Variants in ANK2 observed in about 807,000 individuals in gnomAD.
ANK2 encodes the protein ankyrin 2.
A neutral mutation model predicts 360.5 loss-of-function variants in ANK2; 83 were observed. The observed-to-expected ratio is 0.23, with a 90% confidence interval of 0.19 to 0.28. The LOEUF (loss-of-function observed/expected upper bound fraction) is 0.28. Ranked by LOEUF, ANK2 falls within the 10% of genes least tolerant of loss-of-function variation. The pLI is 1.00. For synonymous variants in ANK2, 1,740 were observed against 1,759.5 expected, an observed-to-expected ratio of 0.99 and a Z score of 0.28; for missense variants, 4,201 against 4,795.7, an observed-to-expected ratio of 0.88 and a Z score of 3.66.
chr4:113,121,453 G>A (rs1265684916), intron 1 of ANK2, among the ~76,000 whole-genome samples: 2 of 152,140 alleles, frequency 1.3e-5, no homozygotes, highest in African/African-American at 4.8e-5. Flanking sequence ...TACTGTGATA[G>A]TAAATTAAAT....
At chr4:113,189,134 T>A (rs2098604852) in intron 2 of ANK2, among the ~76,000 whole-genome samples, 1 of 152,182 alleles carries the variant, frequency 6.6e-6, no homozygotes. Flanking sequence ...CCAAATTTTA[T>A]GATTGCTCAG....
chr4:113,326,649 T>G (rs866550113), intron 26 of ANK2, among the ~76,000 whole-genome samples: 1 of 152,230 alleles, frequency 6.6e-6, no homozygotes, highest in African/African-American at 2.4e-5. Context: ...GTGGGTTTTT[T>G]TGGTTTGTGT....
At chr4:113,036,312 CA>C in intron 2 of ANK2, among the ~76,000 whole-genome samples, 1 of 147,908 alleles carries the variant, frequency 6.8e-6, no homozygotes, top group South Asian at 2.1e-4. Flanking sequence ...GGACTTGAAA[CA>C]AACAAAAAGA....
Position 113,278,363 on chromosome 4 carries a change from C to A in ANK2, c.1783-97C>A, listed in dbSNP as rs950204557. On this transcript the variant is annotated intron_variant, in intron 16 of 45. Coordinates refer to ENST00000357077, the MANE Select transcript of ANK2 (RefSeq NM_001148.6). ...TCTATTGACTATATTAATTCATTAA[C>A]ATGAATTTAATCAATATCAGTTTCC... 7.3e-6 allele frequency: 7 copies of A among 957,988 alleles called. No individual in the cohort carries two copies. The African/African-American group carries it at 1.1e-4, about 15-fold the overall frequency. 59.3% of individuals were successfully genotyped at this position (957,988 alleles called of 1,614,324 possible). A position where few individuals can be genotyped will look rare whatever the true frequency, so the allele number is the denominator to read the frequency against.
chr4:112,785,193 G>A, the ANK2 span, among the ~76,000 whole-genome samples: 1 of 152,058 alleles, frequency 6.6e-6, no homozygotes, highest in Non-Finnish European at 1.5e-5. Flanking sequence ...TTGTTGGTGG[G>A]AATATTTAAC....
At chr4:113,047,078 C>A (rs958161953), upstream of ANK2, among the ~76,000 whole-genome samples, 1 of 152,170 alleles carries the variant, frequency 6.6e-6, no homozygotes, top group Non-Finnish European at 1.5e-5. Context: ...AAAGGTTTTC[C>A]ATTTTGCTTC....
intron 2 of ANK2, among the ~76,000 whole-genome samples, chr4:112,909,749 T>C (rs2086468173): frequency 6.6e-6 from 1 of 152,208 alleles, no homozygotes; most frequent in African/African-American, 2.4e-5. Flanking sequence ...ATTCCTTATT[T>C]TGTGGTCAGT....
At chr4:112,738,273 G>A in the ANK2 span, among the ~76,000 whole-genome samples, 1 of 152,228 alleles carries the variant, frequency 6.6e-6, no homozygotes, top group East Asian at 1.9e-4. Context: ...TTAGCCAGGT[G>A]TGGTGGTGGG....
intron 43 of ANK2, chr4:113,372,682 G>C: frequency 8.1e-7 from 1 of 1,236,030 alleles, no homozygotes; most frequent in South Asian, 1.3e-5. Context: ...TATTCTAAGA[G>C]TGATCAACCT....
chr4:112,881,956 A>C, intron 1 of ANK2: 1 of 627,898 alleles, frequency 1.6e-6, no homozygotes, highest in Non-Finnish European at 2.9e-6. Context: ...TACCTCCTCC[A>C]CAGTGGCATA....
At chr4:112,812,802 A>G in the ANK2 span, among the ~76,000 whole-genome samples, 1 of 152,052 alleles carries the variant, frequency 6.6e-6, no homozygotes, top group Non-Finnish European at 1.5e-5. Flanking sequence ...ACACGACCCT[A>G]CTTCTCTTCA....
chr4:112,902,174 G>A (rs1252662515), intron 1 of ANK2, among the ~76,000 whole-genome samples: 2 of 152,234 alleles, frequency 1.3e-5, no homozygotes, highest in African/African-American at 2.4e-5. Context: ...TTCTGTCAGT[G>A]GAGCTGAGTA....
chr4:112,841,711 T>C (rs764614563), intron 1 of ANK2, among the ~76,000 whole-genome samples: 4 of 152,200 alleles, frequency 2.6e-5, no homozygotes, highest in Non-Finnish European at 4.4e-5. Context: ...GAATCATTCT[T>C]AGGTATAGGT....
intron 1 of ANK2, among the ~76,000 whole-genome samples, chr4:112,824,135 G>GCATCTATC (rs1395872267): frequency 1.5e-5 from 2 of 130,028 alleles, no homozygotes; most frequent in Non-Finnish European, 3.2e-5. Context: ...TAGGTCTTCA[G>GCATCTATC]CATCTATCTA....
intron 2 of ANK2, among the ~76,000 whole-genome samples, chr4:113,018,338 CA>C (rs1247033913): frequency 2.1e-4 from 32 of 152,272 alleles, no homozygotes; most frequent in African/African-American, 7.5e-4. Context: ...ATCAAAACAC[CA>C]GCTTACAAAT....
intron 24 of ANK2, among the ~76,000 whole-genome samples, chr4:113,315,357 A>G (rs1010457811): frequency 6.6e-6 from 1 of 152,156 alleles, no homozygotes; most frequent in Non-Finnish European, 1.5e-5. Context: ...TGATTCTTTC[A>G]AAGTTTAGAC....
At chr4:113,183,632 G>A (rs2098458794) in intron 2 of ANK2, among the ~76,000 whole-genome samples, 1 of 152,176 alleles carries the variant, frequency 6.6e-6, no homozygotes, top group Non-Finnish European at 1.5e-5. Context: ...GGAGTTGGAT[G>A]AGTAGATTAG....
chr4:113,353,105 C>G lies in ANK2; in HGVS notation c.4487C>G (p.Pro1496Arg). ...VLKSHLVNEVPVLASPDLLSE... is the reference protein window; with the variant it reads ...VLKSHLVNEVRVLASPDLLSE... ...AAAAGTCACCTGGTTAATGAAGTTCCTGTCCTAGCAAGTCCGGACTTGCTC... is the reference window on the plus strand; with the variant it reads ...AAAAGTCACCTGGTTAATGAAGTTCGTGTCCTAGCAAGTCCGGACTTGCTC... Residue 1496 changes from proline (P) to arginine (R), a missense_variant, in exon 38 of 46, where the codon CCT (proline) becomes CGT (arginine). By Grantham distance (103) the Pro-to-Arg change is moderately radical. Coordinates refer to ENST00000357077, the MANE Select transcript of ANK2 (RefSeq NM_001148.6). 1 of 1,613,984 alleles carries G rather than the reference C, an allele frequency of 6.2e-7. No homozygotes were observed.
chr4:112,850,504 C>CTTTTTTTTT lies in ANK2; in HGVS notation c.-40+32262_-40+32270dup, dbSNP rs60510554. The stretch of plus-strand genomic sequence containing the variant: ...TTTTTTTAACATTTCCTGTGCTAGT[C>CTTTTTTTTT]TTTTTTTTTTTTTTTTTTTTTTTTT... On this transcript the variant is annotated intron_variant, in intron 1 of 30. Coordinates refer to the ANK2 transcript ENST00000503271. Among the ~76,000 whole-genome samples, 7 of 5,820 alleles carry CTTTTTTTTT rather than the reference C, an allele frequency of 1.2e-3. 3 individuals are homozygous for CTTTTTTTTT. The highest frequency in any genetic ancestry group is 1.2e-3 in the Non-Finnish European group (4 of 3,408). The allele number at this position is 5,820 out of a possible 152,430, so 3.8% of individuals were successfully genotyped here.
Sources: gnomAD v4.1 joint callset for allele counts (sites outside exome capture counted in the v4.1 genomes callset) on GRCh38, gnomAD v4.1.1 for gene constraint, MANE v1.5 for transcripts, NCBI Gene and HGNC (gene_info 2026-07-23, HGNC 2026-07-21) for gene names.